Variants in PDS5B observed in about 807,000 individuals in gnomAD.
PDS5B encodes sister chromatid cohesion protein PDS5 homolog B.
A neutral mutation model predicts 184.1 loss-of-function variants in PDS5B; 51 were observed. The observed-to-expected ratio is 0.28, with a 90% confidence interval of 0.22 to 0.35. The LOEUF is 0.35. PDS5B is among the 10% of genes least tolerant of loss of function. The pLI, the probability that PDS5B is intolerant of heterozygous loss-of-function variation, is 1.00. For missense variants in PDS5B, 1,180 were observed against 1,723.3 expected (o/e 0.68, Z 5.58); for synonymous variants, 566 against 569.2 (o/e 0.99, Z 0.08).
At chr13:32,627,538 A>C (rs1399385078) in intron 1 of PDS5B, among the ~76,000 whole-genome samples, 1 of 152,202 alleles carries the variant, frequency 6.6e-6, no homozygotes, top group Non-Finnish European at 1.5e-5. Context: ...GTTGAAAAGA[A>C]ATATCTTTTT....
chr13:32,658,620 T>A (rs755260549), intron 5 of PDS5B, 89 bp downstream of exon 5: 3 of 634,506 alleles, frequency 4.7e-6, no homozygotes, highest in Non-Finnish European at 8.3e-6. Context: ...TTACAATGAA[T>A]ATTAGAAGGC....
intron 10 of PDS5B, among the ~76,000 whole-genome samples, chr13:32,679,354 C>T (rs1331612018): frequency 6.6e-6 from 1 of 152,094 alleles, no homozygotes; most frequent in African/African-American, 2.4e-5. Flanking sequence ...TGCTTCCAAC[C>T]TATGTAGGAA....
At chr13:32,602,831 A>C (rs1356426819) in intron 1 of PDS5B, among the ~76,000 whole-genome samples, 1 of 152,130 alleles carries the variant, frequency 6.6e-6, no homozygotes, top group Non-Finnish European at 1.5e-5. Context: ...TTTGATTTGC[A>C]TTTCTCTGAT....
intron 14 of PDS5B, among the ~76,000 whole-genome samples, chr13:32,696,619 G>A (rs1285389858): frequency 6.6e-6 from 1 of 151,860 alleles, no homozygotes; most frequent in African/African-American, 2.4e-5. Flanking sequence ...ATTTCTGTTT[G>A]GAGGCTAACA....
intron 13 of PDS5B, among the ~76,000 whole-genome samples, chr13:32,692,413 GCCTTTT>G (rs1566334835): frequency 2.4e-5 from 1 of 42,434 alleles, no homozygotes; most frequent in Non-Finnish European, 4.8e-5. Context: ...CGTCCAAAAA[GCCTTTT>G]TTTTTTTTTT....
intron 31 of PDS5B, among the ~76,000 whole-genome samples, chr13:32,769,616 G>A (rs1043383694): frequency 9.9e-5 from 15 of 152,164 alleles, no homozygotes; most frequent in Non-Finnish European, 1.8e-4. Context: ...TATAATAAAT[G>A]ATGAATATGT....
chr13:32,703,398 A>G (rs749095582), intron 17 of PDS5B, among the ~76,000 whole-genome samples: 7 of 152,192 alleles, frequency 4.6e-5, no homozygotes, highest in Non-Finnish European at 1.0e-4. Flanking sequence ...TGGCTTTAGG[A>G]ATCAGAAGGT....
At chr13:32,596,264 A>G (rs2057867883) in intron 1 of PDS5B, among the ~76,000 whole-genome samples, 1 of 152,152 alleles carries the variant, frequency 6.6e-6, no homozygotes, top group Admixed American at 6.5e-5. Context: ...TTAAATGTAG[A>G]TTAGTTTTGT....
intron 24 of PDS5B, among the ~76,000 whole-genome samples, chr13:32,746,907 A>G (rs12877579): frequency 0.14 from 21,027 of 152,288 alleles, 1,851 homozygotes; most frequent in South Asian, 0.31. Flanking sequence ...CGAGTATGCA[A>G]ATTCCTAAAT....
At chr13:32,647,920 C>T (rs1388844815) in intron 1 of PDS5B, among the ~76,000 whole-genome samples, 1 of 152,138 alleles carries the variant, frequency 6.6e-6, no homozygotes, top group African/African-American at 2.4e-5. Context: ...GATGAAGGCA[C>T]CCTTCTCTAG....
chr13:32,639,255 C>A (rs958915055), intron 1 of PDS5B, among the ~76,000 whole-genome samples: 29 of 152,114 alleles, frequency 1.9e-4, no homozygotes, highest in Non-Finnish European at 2.8e-4. Flanking sequence ...TTAGTATCTT[C>A]CATAACATTG....
chr13:32,727,353 A>G (rs1188121601), intron 19 of PDS5B, among the ~76,000 whole-genome samples: 1 of 152,136 alleles, frequency 6.6e-6, no homozygotes, highest in Non-Finnish European at 1.5e-5. Flanking sequence ...TCTCGAATTA[A>G]TAATGACAAA....
chr13:32,704,547 G>A (rs1951952040), intron 17 of PDS5B, among the ~76,000 whole-genome samples: 1 of 152,202 alleles, frequency 6.6e-6, no homozygotes, highest in African/African-American at 2.4e-5. Flanking sequence ...AAGGCACATG[G>A]TAGATAGTTG....
intron 1 of PDS5B, among the ~76,000 whole-genome samples, chr13:32,614,023 T>G (rs1219893420): frequency 6.6e-6 from 1 of 152,222 alleles, no homozygotes; most frequent in Non-Finnish European, 1.5e-5. Context: ...TTGGCATCCT[T>G]GGAAAATCAA....
At chr13:32,689,850 C>T (rs1193442531) in intron 13 of PDS5B, 1 of 151,984 alleles carries the variant, frequency 6.6e-6, no homozygotes, top group Admixed American at 6.6e-5. Flanking sequence ...AATTGATGGC[C>T]TCTTAAATTG....
At position 32,658,227 on chromosome 13, in the gene PDS5B, T is replaced by C; in HGVS notation, c.313-12T>C. 1 of 1,279,726 alleles carries C rather than the reference T, an allele frequency of 7.8e-7. No homozygotes were observed. The highest frequency in any genetic ancestry group is 1.1e-6 in the Non-Finnish European group (1 of 895,348). 79.3% of individuals were successfully genotyped at this position (1,279,726 alleles called of 1,614,324 possible). ...CATAATCTAAATGGCACTTTGTCTT[T>C]TTTTATTTAAGGATATATTTATGTT... is the stretch of plus-strand genomic sequence containing the variant. On this transcript the variant is annotated splice_polypyrimidine_tract_variant and intron_variant, in intron 3 of 34. Coordinates refer to ENST00000315596, the MANE Select transcript of PDS5B (RefSeq NM_015032.4).
Position 32,733,831 on chromosome 13 carries a change from C to T in PDS5B, c.2248-1341C>T, listed in dbSNP as rs73452737. Among the ~76,000 whole-genome samples, 896 of 152,178 alleles carry T rather than the reference C, an allele frequency of 5.9e-3. 15 individuals are homozygous for T. Among genetic ancestry groups the T allele is most frequent in the African/African-American group, 0.02 (845 of 41,524 alleles). ...AGAGCCATTGTTAGTAGTTTCTAAACGTACTTTTCCAGAGATATTTTATTC... is the reference window on the plus strand; with the variant it reads ...AGAGCCATTGTTAGTAGTTTCTAAATGTACTTTTCCAGAGATATTTTATTC... On this transcript the variant is annotated intron_variant, in intron 20 of 34. Transcript: ENST00000315596.
intron 8 of PDS5B, among the ~76,000 whole-genome samples, chr13:32,673,741 TG>T (rs1950996035): frequency 1.3e-5 from 2 of 152,214 alleles, no homozygotes; most frequent in Non-Finnish European, 2.9e-5. Flanking sequence ...TAGTGTGAAA[TG>T]CTTTCCCTTT....
At chr13:32,772,476 G>C (rs1954822693) in intron 33 of PDS5B, among the ~76,000 whole-genome samples, 1 of 152,180 alleles carries the variant, frequency 6.6e-6, no homozygotes, top group Non-Finnish European at 1.5e-5. Flanking sequence ...TAGACAGGCA[G>C]AGAACAGGTG....
Sources: gnomAD v4.1 joint callset for allele counts (sites outside exome capture counted in the v4.1 genomes callset) on GRCh38, gnomAD v4.1.1 for gene constraint, MANE v1.5 for transcripts, NCBI Gene and HGNC (gene_info 2026-07-23, HGNC 2026-07-21) for gene names.